The following MYO18B variants were observed in gnomAD, a reference collection of about 807,000 sequenced individuals.
The protein encoded by MYO18B is unconventional myosin-XVIIIb.
In MYO18B, 204 loss-of-function variants were observed where a neutral mutation model predicts 273.0. That is an observed-to-expected ratio of 0.75 (90% CI 0.67 to 0.84). MYO18B has a LOEUF of 0.84. Among genes scored for constraint, MYO18B ranks in the 40% least tolerant of loss-of-function variants. The pLI is 0.00. For synonymous variants in MYO18B, 1,330 were observed against 1,305.7 expected (o/e 1.02, Z -0.40); for missense variants, 3,212 against 3,287.6 (o/e 0.98, Z 0.56).
chr22:25,801,814 A>G (rs957507106), intron 12 of MYO18B, among the ~76,000 whole-genome samples: 14 of 152,136 alleles, frequency 9.2e-5, no homozygotes, highest in African/African-American at 3.4e-4. Context: ...TAGGGAAGAA[A>G]CTGATGCGCA....
chr22:25,999,050 T>G (rs1933646533), intron 40 of MYO18B, among the ~76,000 whole-genome samples: 2 of 152,212 alleles, frequency 1.3e-5, no homozygotes, highest in South Asian at 4.1e-4. Context: ...GCAGGTACTG[T>G]GCTACCTGTT....
intron 39 of MYO18B, among the ~76,000 whole-genome samples, chr22:25,986,663 G>A (rs953407098): frequency 6.6e-6 from 1 of 152,128 alleles, no homozygotes; most frequent in African/African-American, 2.4e-5. Flanking sequence ...TTTTCATCAG[G>A]TTTCAGGATA....
At chr22:25,863,548 A>G (rs1320128850) in intron 21 of MYO18B, among the ~76,000 whole-genome samples, 2 of 152,148 alleles carry the variant, frequency 1.3e-5, no homozygotes, top group Admixed American at 6.5e-5. Context: ...TCTCTGCCCA[A>G]TTTTTAAAAA....
intron 12 of MYO18B, among the ~76,000 whole-genome samples, chr22:25,799,758 T>C (rs1211104919): frequency 6.6e-6 from 1 of 152,184 alleles, no homozygotes; most frequent in Non-Finnish European, 1.5e-5. Flanking sequence ...ATTTTGGAAA[T>C]TTGTAGAAGT....
Position 25,847,517 on chromosome 22 carries a change from C to T in MYO18B, c.3640C>T (p.Gln1214Ter), listed in dbSNP as rs1262640606. 1 of 1,577,464 alleles carries T rather than the reference C, an allele frequency of 6.3e-7. No individual in the cohort carries two copies. ...PNPVVESRSG[Q>*]ESPPPPQPGR... ...CCCTGTGGTGGAAAGCAGGAGTGGG[C>T]AGGAATCTCCACCACCACCGCAGCC... The change falls in exon 20 of 44, where the codon CAG becomes TAG. Residue 1214 changes from glutamine to a stop codon, truncating the protein, a stop_gained. Coordinates refer to ENST00000335473, the MANE Select transcript of MYO18B (RefSeq NM_032608.7). LOFTEE classifies it high-confidence loss of function.
Position 25,823,811 on chromosome 22 carries a change from A to AG in MYO18B, c.2695+137dup, listed in dbSNP as rs941874776. The AG allele has an allele frequency of 1.2e-4, 114 of 936,902 alleles. No homozygotes were observed. The African/African-American group carries it at 1.7e-3, about 14-fold the overall frequency. 58.0% of individuals were successfully genotyped at this position (936,902 alleles called of 1,614,324 possible). ...TGCTATGAAGGCGTGTGTTAGATGC[A>AG]GGGGAAGCCATCGTGGGTGGAAAGG... On this transcript the variant is annotated intron_variant, in intron 13 of 43. Coordinates refer to ENST00000335473, the MANE Select transcript of MYO18B (RefSeq NM_032608.7).
At chr22:25,780,419 C>T (rs539976253) in intron 9 of MYO18B, among the ~76,000 whole-genome samples, 2 of 151,490 alleles carry the variant, frequency 1.3e-5, no homozygotes, top group Non-Finnish European at 2.9e-5. Context: ...GGTAAAACCC[C>T]GTCTCTACTA....
At chr22:25,868,200 T>C in intron 21 of MYO18B, 120 bp from the exon 22 acceptor site, 1 of 813,250 alleles carries the variant, frequency 1.2e-6, no homozygotes. Flanking sequence ...TAGCCAAAGC[T>C]CACAGACATG....
intron 42 of MYO18B, among the ~76,000 whole-genome samples, chr22:26,023,935 A>G (rs557169923): frequency 8.1e-4 from 124 of 152,342 alleles, no homozygotes; most frequent in Non-Finnish European, 6.5e-4. Flanking sequence ...AGAGCCCTCC[A>G]TCTCCTCTTC....
At chr22:25,876,093 T>A in intron 23 of MYO18B, 96 bp from the exon 24 acceptor site, 7 of 1,189,508 alleles carry the variant, frequency 5.9e-6, no homozygotes, top group East Asian at 3.1e-5. Flanking sequence ...TAACCCCACT[T>A]CCTCCAGCCC....
chr22:25,963,148 TCTC>T (rs1213704213), intron 39 of MYO18B, among the ~76,000 whole-genome samples: 1 of 139,886 alleles, frequency 7.1e-6, no homozygotes, highest in Non-Finnish European at 1.5e-5. Flanking sequence ...CCTCTCTCTC[TCTC>T]CTCTTTCTCC....
intron 34 of MYO18B, among the ~76,000 whole-genome samples, chr22:25,923,692 TG>T (rs993365892): frequency 1.6e-4 from 25 of 152,250 alleles, no homozygotes; most frequent in African/African-American, 5.8e-4. Flanking sequence ...TAGGCAGAGT[TG>T]CTGTGTGATT....
At chr22:25,911,405 A>G (rs929809938) in intron 33 of MYO18B, among the ~76,000 whole-genome samples, 12 of 152,242 alleles carry the variant, frequency 7.9e-5, no homozygotes, top group Non-Finnish European at 1.8e-4. Flanking sequence ...TGCTAGAAGC[A>G]GTCAGCCTTG....
Position 25,761,138 on chromosome 22 carries a change from G to C in MYO18B, c.39+7G>C. The C allele has an allele frequency of 6.2e-7, 1 of 1,613,126 alleles. No individual in the cohort carries two copies. The highest frequency in any genetic ancestry group is 1.1e-5 in the South Asian group (1 of 91,078). On this transcript the variant is annotated splice_region_variant and intron_variant, in intron 2 of 43. Transcript: ENST00000335473. ...CGCCCTGTGGGAGCAGAAGGAAAGT[G>C]ACACTCATGGCTGGGGCTGCAGCCA...
chr22:25,851,659 C>T (rs1254717517), intron 21 of MYO18B, 80 bp downstream of exon 21: 56 of 1,032,178 alleles, frequency 5.4e-5, no homozygotes, highest in Non-Finnish European at 7.1e-5. Flanking sequence ...AGGCTGGGCA[C>T]GGTGAGTGGC....
intron 39 of MYO18B, among the ~76,000 whole-genome samples, chr22:25,980,135 G>A (rs1222261572): frequency 6.6e-6 from 1 of 152,154 alleles, no homozygotes; most frequent in Non-Finnish European, 1.5e-5. Flanking sequence ...TTTACCAGGT[G>A]ACTTCATGCT....
At chr22:25,924,621 G>A (rs545785995) in intron 34 of MYO18B, among the ~76,000 whole-genome samples, 1 of 152,338 alleles carries the variant, frequency 6.6e-6, no homozygotes, top group East Asian at 1.9e-4. Flanking sequence ...GGAGAAATAG[G>A]CAGGGACCAG....
At position 25,890,781 on chromosome 22, in the gene MYO18B, C is replaced by T; in HGVS notation, c.4340C>T (p.Ala1447Val). 6.2e-7 allele frequency: 1 copy of T among 1,613,934 alleles called. No individual in the cohort carries two copies. Among genetic ancestry groups the T allele is most frequent in the Non-Finnish European group, 8.5e-7 (1 of 1,179,878 alleles). Residue 1447 changes from alanine (A) to valine (V), a missense_variant, in exon 26 of 44, where the codon GCC (alanine) becomes GTC (valine). Ala to Val is a moderately conservative substitution (Grantham distance 64). Transcript: ENST00000335473. ...ATTGCTGACTTGACCTCTGACCTTG[C>T]CGATGAGCGCTTCAAAGGTGATGTG... is the stretch of plus-strand genomic sequence containing the variant. ...SKIADLTSDL[A>V]DERFKGDVAC...
intron 34 of MYO18B, among the ~76,000 whole-genome samples, chr22:25,933,691 T>C (rs1468637746): frequency 6.6e-6 from 1 of 152,242 alleles, no homozygotes; most frequent in Non-Finnish European, 1.5e-5. Context: ...GTTGTTGCGG[T>C]TGTATGTGAC....
Sources: allele counts gnomAD v4.1 joint callset (sites outside exome capture counted in the v4.1 genomes callset), GRCh38; gene constraint gnomAD v4.1.1; transcripts MANE v1.5; gene names NCBI Gene and HGNC (gene_info 2026-07-23, HGNC 2026-07-21).